The following TRPM6 variants were observed in gnomAD, a reference collection of about 807,000 sequenced individuals.
TRPM6 encodes channel kinase 2.
TRPM6 carries 111 observed loss-of-function variants against 247.6 expected under a neutral mutation model. The observed-to-expected ratio is 0.45, with a 90% confidence interval of 0.38 to 0.52. The LOEUF (loss-of-function observed/expected upper bound fraction) is 0.52. Ranked by LOEUF, TRPM6 falls within the 20% of genes least tolerant of loss-of-function variation. The probability of loss-of-function intolerance (pLI) is 0.00; values close to 1 mark genes in which losing one functional copy is unlikely to be tolerated. For missense variants in TRPM6, 2,126 were observed against 2,421.5 expected (o/e 0.88, Z 2.56); for synonymous variants, 892 against 853.8 (o/e 1.04, Z -0.78).
rs183092433 is a variant in TRPM6, at chr9:74,805,059, G to C, written c.1639-1173C>G. ...CAAAGGTTAAATGATCATTGCAACT[G>C]AGCACAACTCCTTCAAATGAGCAAA... On this transcript the variant is annotated intron_variant, in intron 14 of 38. Coordinates refer to ENST00000360774, the MANE Select transcript of TRPM6 (RefSeq NM_017662.5). 8.5e-5 allele frequency among the ~76,000 whole-genome samples: 13 copies of C among 152,264 alleles called. No homozygotes were observed. The East Asian group carries it at 2.5e-3, about 29-fold the overall frequency.
intron 20 of TRPM6, among the ~76,000 whole-genome samples, chr9:74,787,519 A>G (rs148122065): frequency 1.2e-4 from 19 of 152,332 alleles, no homozygotes; most frequent in Admixed American, 4.6e-4. Context: ...TCTATAATCT[A>G]TAAACTCCAC....
intron 29 of TRPM6, among the ~76,000 whole-genome samples, chr9:74,751,788 C>T (rs1265318560): frequency 6.6e-6 from 1 of 152,262 alleles, no homozygotes; most frequent in African/African-American, 2.4e-5. Flanking sequence ...CTTGACTGAT[C>T]GCACTAGTGA....
At chr9:74,828,650 A>T (rs1383749453) in intron 6 of TRPM6, among the ~76,000 whole-genome samples, 1 of 139,762 alleles carries the variant, frequency 7.2e-6, no homozygotes, top group African/African-American at 2.7e-5. Context: ...TTTTTTTGAG[A>T]TGGAGTCTTG....
At chr9:74,843,244 G>A (rs1009202356) in intron 3 of TRPM6, among the ~76,000 whole-genome samples, 5 of 152,032 alleles carry the variant, frequency 3.3e-5, no homozygotes, top group African/African-American at 7.2e-5. Context: ...AGTTTTAATC[G>A]TAGATGTCTT....
chr9:74,824,655 A>G (rs558780203), intron 7 of TRPM6, among the ~76,000 whole-genome samples: 160 of 152,208 alleles, frequency 1.1e-3, no homozygotes, highest in Non-Finnish European at 1.9e-3. Flanking sequence ...AGGGTGAGGC[A>G]GGAATACAAT....
Position 74,723,485 on chromosome 9 carries a change from C to T in TRPM6, c.*1128G>A, listed in dbSNP as rs1393014914. ...CCTTTCTTAATGATTTCCAGTTCTT[C>T]ATATTCTTGTTCTCGTTTAAAAAAA... is the stretch of plus-strand genomic sequence containing the variant. On this transcript the variant is annotated 3_prime_UTR_variant, in exon 39 of 39. Transcript: ENST00000360774. The T allele has an allele frequency of 2.7e-5, 4 of 147,244 alleles. No homozygotes were observed. The highest frequency in any genetic ancestry group is 6.0e-5 in the Non-Finnish European group (4 of 67,150). The allele number at this position is 147,244 out of a possible 1,614,324, so 9.1% of individuals were successfully genotyped here. A position where few individuals can be genotyped will look rare whatever the true frequency, so the allele number is the denominator to read the frequency against.
intron 11 of TRPM6, among the ~76,000 whole-genome samples, chr9:74,813,477 A>G (rs951067154): frequency 2.0e-5 from 3 of 152,238 alleles, no homozygotes; most frequent in Non-Finnish European, 4.4e-5. Context: ...CCATAACACT[A>G]GCAACAAGGC....
chr9:74,743,478 A>G (rs1432426143), intron 32 of TRPM6, among the ~76,000 whole-genome samples: 6 of 152,214 alleles, frequency 3.9e-5, no homozygotes, highest in Non-Finnish European at 8.8e-5. Flanking sequence ...TGGTTTTTAT[A>G]TTGCTTTGCA....
At chr9:74,866,732 C>G (rs1252072962) in intron 1 of TRPM6, among the ~76,000 whole-genome samples, 8 of 152,158 alleles carry the variant, frequency 5.3e-5, no homozygotes, top group Admixed American at 5.2e-4. Flanking sequence ...ACACCCACCT[C>G]AGTCTCCCAA....
chr9:74,761,100 A>T (rs1826610862), intron 27 of TRPM6, among the ~76,000 whole-genome samples: 1 of 152,222 alleles, frequency 6.6e-6, no homozygotes, highest in Non-Finnish European at 1.5e-5. Context: ...TATTATAGCA[A>T]CACAAAACAA....
intron 19 of TRPM6, among the ~76,000 whole-genome samples, chr9:74,791,817 G>T (rs567868281): frequency 6.6e-6 from 1 of 152,064 alleles, no homozygotes; most frequent in Non-Finnish European, 1.5e-5. Context: ...GTGTAGCGGC[G>T]CAATCTCGGC....
chr9:74,785,716 G>A (rs890243613), intron 21 of TRPM6, among the ~76,000 whole-genome samples, 158 bp downstream of exon 21: 9 of 152,046 alleles, frequency 5.9e-5, no homozygotes, highest in Non-Finnish European at 1.5e-5. Context: ...GTAGAGACGG[G>A]GTTTCACCCT....
chr9:74,805,411 G>A (rs1291267265), intron 14 of TRPM6, among the ~76,000 whole-genome samples: 9 of 152,218 alleles, frequency 5.9e-5, no homozygotes, highest in African/African-American at 2.2e-4. Context: ...TCAGTAAAGA[G>A]TGGCTCTGGC....
At chr9:74,859,416 A>C (rs909724295) in intron 1 of TRPM6, among the ~76,000 whole-genome samples, 2 of 152,212 alleles carry the variant, frequency 1.3e-5, no homozygotes, top group African/African-American at 4.8e-5. Flanking sequence ...TGGATGGACT[A>C]TACATCCCAG....
Position 74,863,591 on chromosome 9 carries a change from T to C in TRPM6, c.34-4843A>G, listed in dbSNP as rs188532601. Among the ~76,000 whole-genome samples, 822 of 148,760 alleles carry C rather than the reference T, an allele frequency of 5.5e-3. 5 individuals carry two copies. Among genetic ancestry groups the C allele is most frequent in the African/African-American group, 0.02 (787 of 38,612 alleles). On this transcript the variant is annotated intron_variant, in intron 1 of 38. Transcript: ENST00000360774. The stretch of plus-strand genomic sequence containing the variant: ...GTTCCTTAATCTTCAAAAAAGTGAC[T>C]TTTTTTTTGAGACGGAGTCTCGCTC...
At chr9:74,850,442 G>A (rs372339307) in intron 3 of TRPM6, among the ~76,000 whole-genome samples, 19 of 152,032 alleles carry the variant, frequency 1.2e-4, no homozygotes, top group South Asian at 6.2e-4. Flanking sequence ...ACGTAAGGCC[G>A]GGCGCGGTGG....
intron 14 of TRPM6, 37 bp from the exon 15 acceptor site, chr9:74,803,923 G>C (rs773314846): frequency 8.1e-7 from 1 of 1,234,514 alleles, no homozygotes; most frequent in Non-Finnish European, 1.2e-6. Flanking sequence ...TCACTCTCTG[G>C]CACGTTATTA....
intron 25 of TRPM6, among the ~76,000 whole-genome samples, chr9:74,770,578 G>T (rs187989529): frequency 1.3e-5 from 2 of 151,894 alleles, no homozygotes; most frequent in Non-Finnish European, 2.9e-5. Context: ...CATACCGCCT[G>T]CCTCCCTCAA....
chr9:74,728,430 C>T lies in TRPM6; in HGVS notation c.5829-85G>A, dbSNP rs1000467558. The T allele has an allele frequency of 1.4e-5, 13 of 931,450 alleles. No individual in the cohort carries two copies. In the African/African-American group the frequency reaches 2.0e-4, roughly 14 times the overall value. 57.7% of individuals were successfully genotyped at this position (931,450 alleles called of 1,614,324 possible). ...ATTCTCCGAGATACCGAACAGTATC[C>T]CATAGTAACCCAGTAAACTTGAAGG... On this transcript the variant is annotated intron_variant, in intron 37 of 38. Transcript: ENST00000360774.
Sources: gnomAD v4.1 joint callset for allele counts (sites outside exome capture counted in the v4.1 genomes callset) on GRCh38, gnomAD v4.1.1 for gene constraint, MANE v1.5 for transcripts, NCBI Gene and HGNC (gene_info 2026-07-23, HGNC 2026-07-21) for gene names.